The following STPG1 variants were observed in gnomAD, a reference collection of about 807,000 sequenced individuals.
The protein encoded by STPG1 is O(6)-methylguanine-induced apoptosis 2.
A neutral mutation model predicts 40.1 loss-of-function variants in STPG1; 33 were observed. The observed-to-expected ratio is 0.82, with a 90% CI of 0.62 to 1.10. The LOEUF is 1.10. Among genes scored for constraint, STPG1 ranks in the 50% least tolerant of loss-of-function variants. The pLI is 0.00. For missense variants in STPG1, 396 were observed against 415.1 expected, an observed-to-expected ratio of 0.95 and a Z score of 0.40; for synonymous variants, 150 against 155.0, an observed-to-expected ratio of 0.97 and a Z score of 0.24.
intron 4 of STPG1, among the ~76,000 whole-genome samples, chr1:24,381,622 G>T (rs559038487): frequency 6.6e-6 from 1 of 152,364 alleles, no homozygotes; most frequent in Admixed American, 6.5e-5. Flanking sequence ...ATATCATTCA[G>T]ACTTAGAGAG....
chr1:24,364,648 G>A (rs1641338314), intron 7 of STPG1, among the ~76,000 whole-genome samples: 1 of 152,180 alleles, frequency 6.6e-6, no homozygotes, highest in African/African-American at 2.4e-5. Context: ...AGGCCCACAT[G>A]ACAGTTTCAT....
chr1:24,395,212 T>C lies in STPG1; in HGVS notation c.71-3533A>G, dbSNP rs558688353. Among the ~76,000 whole-genome samples, 18 of 151,162 alleles carry C rather than the reference T, an allele frequency of 1.2e-4. No individual in the cohort carries two copies. The East Asian group carries it at 2.9e-3, about 24-fold the overall frequency. ...TAGAATCCTGTACTCAGTAAAAATATCTTCAAAAGCAAAAGCAGAATAAAA... is the reference window on the plus strand; with the variant it reads ...TAGAATCCTGTACTCAGTAAAAATACCTTCAAAAGCAAAAGCAGAATAAAA... On this transcript the variant is annotated intron_variant, in intron 2 of 8. Coordinates refer to ENST00000337248, the MANE Select transcript of STPG1 (RefSeq NM_001199013.2).
rs544263513 is a variant in STPG1 at position 24,366,222 on chromosome 1, A to AT, written c.737+3451dup. On this transcript the variant is annotated intron_variant, in intron 7 of 8. Transcript: ENST00000337248. The stretch of plus-strand genomic sequence containing the variant: ...ACGCGTGTGTTCCCGAGAAAGAAAC[A>AT]TGGCGGCAAGTCACCGCCGCTCCAC... Among the ~76,000 whole-genome samples the AT allele has an allele frequency of 3.9e-3, 589 of 152,308 alleles. 4 individuals are homozygous for AT. Among genetic ancestry groups the AT allele is most frequent in the Non-Finnish European group, 5.4e-3 (364 of 68,026 alleles).
At chr1:24,360,050 C>T (rs575401926) in intron 8 of STPG1, among the ~76,000 whole-genome samples, 1 of 152,308 alleles carries the variant, frequency 6.6e-6, no homozygotes, top group East Asian at 1.9e-4. Flanking sequence ...CTGCCCGCCA[C>T]GAACTCGCTG....
At chr1:24,398,687 AT>A (rs1038827935) in intron 2 of STPG1, among the ~76,000 whole-genome samples, 13 of 152,174 alleles carry the variant, frequency 8.5e-5, no homozygotes, top group Admixed American at 5.2e-4. Flanking sequence ...AAATCAATTA[AT>A]TTTTTTGTAC....
Position 24,380,720 on chromosome 1 carries a change from G to C in STPG1, c.292-897C>G, listed in dbSNP as rs72652543. ...TTTATGGACCCCCACTAGCATTTGG[G>C]GGGGTGTAGCACCAGAAGCGGGAGT... On this transcript the variant is annotated intron_variant, in intron 4 of 8. Transcript: ENST00000337248. Among the ~76,000 whole-genome samples, 19 of 152,172 alleles carry C rather than the reference G, an allele frequency of 1.2e-4. No homozygotes were observed. In the South Asian group the frequency reaches 2.1e-3, roughly 17 times the overall value.
rs561850784 is a variant in STPG1, at chr1:24,357,900, C to T, written c.*643G>A. 1 of 323,410 alleles carries T rather than the reference C, an allele frequency of 3.1e-6. No individual in the cohort carries two copies. The highest frequency in any genetic ancestry group is 4.2e-5 in the Admixed American group (1 of 24,096). 20.0% of individuals were successfully genotyped at this position (323,410 alleles called of 1,614,324 possible). A position where few individuals can be genotyped will look rare whatever the true frequency, so the allele number is the denominator to read the frequency against. On this transcript the variant is annotated 3_prime_UTR_variant, in exon 9 of 9. Transcript: ENST00000337248. ...CGCAGCCCCCGGGCCCGGCCACTGC[C>T]ATTCCAAGATGATCTCCCACTCCAA... is the stretch of plus-strand genomic sequence containing the variant.
intron 8 of STPG1, 125 bp from the exon 9 acceptor site, chr1:24,358,744 G>T (rs1640893393): frequency 1.5e-6 from 1 of 669,568 alleles, no homozygotes; most frequent in Admixed American, 2.8e-5. Flanking sequence ...TCTTACACGT[G>T]GGGAGACAGA....
chr1:24,395,924 A>G (rs926805889), intron 2 of STPG1, among the ~76,000 whole-genome samples: 2 of 151,664 alleles, frequency 1.3e-5, no homozygotes, highest in Admixed American at 6.6e-5. Flanking sequence ...TGTAGGTTAC[A>G]GTGAGCCAAG....
intron 5 of STPG1, among the ~76,000 whole-genome samples, chr1:24,375,646 G>C (rs148801897): frequency 5.5e-4 from 83 of 152,272 alleles, no homozygotes; most frequent in African/African-American, 1.9e-3. Context: ...GGCAGAGAAA[G>C]GCTTTGACAG....
intron 7 of STPG1, among the ~76,000 whole-genome samples, chr1:24,364,786 A>G (rs1253773977): frequency 6.6e-6 from 1 of 152,218 alleles, no homozygotes; most frequent in Non-Finnish European, 1.5e-5. Context: ...TTGCTCAGTT[A>G]TAAAAGCCAA....
chr1:24,397,947 C>T (rs1007283204), intron 2 of STPG1, among the ~76,000 whole-genome samples: 8 of 152,072 alleles, frequency 5.3e-5, no homozygotes, highest in East Asian at 1.9e-4. Context: ...TTTCATTTTG[C>T]GGGGTAAATG....
At position 24,358,510 on chromosome 1, in the gene STPG1, G is replaced by A; in HGVS notation, c.*33C>T. 6.4e-7 allele frequency: 1 copy of A among 1,568,214 alleles called. No individual in the cohort carries two copies. The highest frequency in any genetic ancestry group is 8.8e-7 in the Non-Finnish European group (1 of 1,138,162). The stretch of plus-strand genomic sequence containing the variant: ...GGGACGCTGGGCAGGGTGGGCTGGT[G>A]GCTGGAGTTCTCCTTGACCTTGTGT... On this transcript the variant is annotated 3_prime_UTR_variant, in exon 9 of 9. Coordinates refer to ENST00000337248, the MANE Select transcript of STPG1 (RefSeq NM_001199013.2).
At chr1:24,392,507 T>C (rs1642818666) in intron 2 of STPG1, among the ~76,000 whole-genome samples, 2 of 152,200 alleles carry the variant, frequency 1.3e-5, no homozygotes, top group Admixed American at 1.3e-4. Flanking sequence ...AGCTCCCTCC[T>C]GTGGCACCAG....
chr1:24,386,770 G>C (rs1331840226), intron 3 of STPG1, among the ~76,000 whole-genome samples: 1 of 152,210 alleles, frequency 6.6e-6, no homozygotes, highest in African/African-American at 2.4e-5. Context: ...CAGAGAACGA[G>C]AATCCAAGTT....
chr1:24,411,560 G>C (rs745992329), intron 1 of STPG1: 4 of 152,196 alleles, frequency 2.6e-5, no homozygotes, highest in Non-Finnish European at 5.9e-5. Context: ...TCCCACCTCA[G>C]CCTCCAGAGT....
intron 1 of STPG1, chr1:24,411,683 T>C (rs1643665765): frequency 6.6e-6 from 1 of 152,218 alleles, no homozygotes; most frequent in Non-Finnish European, 1.5e-5. Flanking sequence ...CCTCAAGTGA[T>C]CTTCTCACCT....
chr1:24,366,269 G>T (rs947267002), intron 7 of STPG1, among the ~76,000 whole-genome samples: 1 of 152,144 alleles, frequency 6.6e-6, no homozygotes, highest in Non-Finnish European at 1.5e-5. Flanking sequence ...GAGCTAAAGA[G>T]GATTAGTTCT....
At chr1:24,371,232 G>A (rs1212327197) in intron 6 of STPG1, among the ~76,000 whole-genome samples, 1 of 152,040 alleles carries the variant, frequency 6.6e-6, no homozygotes, top group African/African-American at 2.4e-5. Flanking sequence ...TATCATATAA[G>A]AATATACTAT....
Sources: allele counts gnomAD v4.1 joint callset (sites outside exome capture counted in the v4.1 genomes callset), GRCh38; gene constraint gnomAD v4.1.1; transcripts MANE v1.5; gene names NCBI Gene and HGNC (gene_info 2026-07-23, HGNC 2026-07-21).